The following RB1CC1 variants were observed in gnomAD, a reference collection of about 807,000 sequenced individuals.
RB1CC1 encodes the protein RB1 inducible coiled-coil 1, also known as RB1-inducible coiled-coil protein 1.
In RB1CC1, 46 loss-of-function variants were observed where a neutral mutation model predicts 177.5. The observed-to-expected ratio is 0.26, with a 90% CI of 0.20 to 0.33. RB1CC1 has a LOEUF of 0.33. Among genes scored for constraint, RB1CC1 ranks in the 10% least tolerant of loss-of-function variants. RB1CC1 has a pLI of 1.00. For synonymous variants in RB1CC1, 666 were observed against 613.6 expected, an observed-to-expected ratio of 1.09 and a Z score of -1.26; for missense variants, 1,703 against 1,816.3, an observed-to-expected ratio of 0.94 and a Z score of 1.13.
At position 52,708,817 on chromosome 8, in the gene RB1CC1, T is replaced by C. The variant is rs1040958269; in HGVS notation, c.-167+5258A>G. On this transcript the variant is annotated intron_variant, in intron 1 of 23. Coordinates refer to ENST00000025008, the MANE Select transcript of RB1CC1 (RefSeq NM_014781.5). ...ATCCGACAGGGTGGTGGACATTATCTCCATTGATGCGGTAGTAGCCCGTGA... is the reference window on the plus strand; with the variant it reads ...ATCCGACAGGGTGGTGGACATTATCCCCATTGATGCGGTAGTAGCCCGTGA... 1.3e-4 allele frequency among the ~76,000 whole-genome samples: 20 copies of C among 152,158 alleles called. 1 individual carries two copies. Among genetic ancestry groups the C allele is most frequent in the Admixed American group, 1.2e-3 (19 of 15,264 alleles).
In RB1CC1 at chr8:52,623,486, CAATGCACAAGGTATGCCCTTTGAGA is replaced by C. The variant is rs1182543982; in HGVS notation, c.*271_*295del. ...AATTAATATGGCTCATCATAAGCCA[CAATGCACAAGGTATGCCCTTTGAGA>C]AAATGAAGTAGTTTGGTCCGCATTT... is the stretch of plus-strand genomic sequence containing the variant. On this transcript the variant is annotated 3_prime_UTR_variant, in exon 24 of 24. Coordinates refer to ENST00000025008, the MANE Select transcript of RB1CC1 (RefSeq NM_014781.5). The C allele has an allele frequency of 2.6e-6, 1 of 389,600 alleles. No homozygotes were observed. The highest frequency in any genetic ancestry group is 4.9e-6 in the Non-Finnish European group (1 of 203,660). 24.1% of individuals were successfully genotyped at this position (389,600 alleles called of 1,614,324 possible).
intron 19 of RB1CC1, among the ~76,000 whole-genome samples, chr8:52,635,596 A>G (rs1014234500): frequency 6.6e-5 from 10 of 152,110 alleles, no homozygotes; most frequent in African/African-American, 2.4e-4. Flanking sequence ...TATTTAAAAC[A>G]TAACTCCCTT....
At position 52,623,597 on chromosome 8, in the gene RB1CC1, G is replaced by T; in HGVS notation, c.*185C>A. On this transcript the variant is annotated 3_prime_UTR_variant, in exon 24 of 24. Coordinates refer to ENST00000025008, the MANE Select transcript of RB1CC1 (RefSeq NM_014781.5). Reference sequence around the variant, plus strand: ...CAAAAACCATTTTAATTCAGCCAAGGATTCTGATGAATTTATTATTCCTAA... The same window carrying T: ...CAAAAACCATTTTAATTCAGCCAAGTATTCTGATGAATTTATTATTCCTAA... The T allele has an allele frequency of 3.2e-6, 2 of 629,560 alleles. No individual in the cohort carries two copies. Among genetic ancestry groups the T allele is most frequent in the Non-Finnish European group, 5.8e-6 (2 of 341,932 alleles). The allele number at this position is 629,560 out of a possible 1,614,324, so 39.0% of individuals were successfully genotyped here. A position where few individuals can be genotyped will look rare whatever the true frequency, so the allele number is the denominator to read the frequency against.
chr8:52,656,384 T>G lies in RB1CC1; in HGVS notation c.3445A>C (p.Asn1149His), dbSNP rs772467090. Residue 1149 changes from asparagine (N) to histidine (H), a missense_variant, in exon 15 of 24, where the codon AAT becomes CAT. Asn to His is a moderately conservative substitution (Grantham distance 68, BLOSUM62 1). Coordinates refer to ENST00000025008, the MANE Select transcript of RB1CC1 (RefSeq NM_014781.5). ...TTGTTTAATTCAGCTTTAAGTATAT[T>G]AGATTCTTCTTCATGTCTACTAATT... ...ELISRHEEESNILKAELNKVT... is the reference protein window; with the variant it reads ...ELISRHEEESHILKAELNKVT... 8.7e-6 allele frequency: 14 copies of G among 1,610,654 alleles called. No individual in the cohort carries two copies. In the South Asian group the frequency reaches 1.5e-4, roughly 18 times the overall value.
Position 52,648,261 on chromosome 8 carries a change from C to T in RB1CC1, c.3822-2394G>A, listed in dbSNP as rs16918049. 2.9e-3 allele frequency among the ~76,000 whole-genome samples: 445 copies of T among 152,246 alleles called. 24 individuals are homozygous for T. The East Asian group carries it at 0.082, about 28-fold the overall frequency. On this transcript the variant is annotated intron_variant, in intron 15 of 23. Coordinates refer to ENST00000025008, the MANE Select transcript of RB1CC1 (RefSeq NM_014781.5). Reference sequence around the variant, plus strand: ...CATGAAAAATAATCATTATCCTGTACTGAAGACAGGTTTCTTGTGGCTGTA... The same window carrying T: ...CATGAAAAATAATCATTATCCTGTATTGAAGACAGGTTTCTTGTGGCTGTA...
At chr8:52,650,694 T>C (rs541842755) in intron 15 of RB1CC1, among the ~76,000 whole-genome samples, 1 of 152,314 alleles carries the variant, frequency 6.6e-6, no homozygotes, top group Admixed American at 6.5e-5. Context: ...TTCTCTGATC[T>C]GAAAGCAGTA....
intron 1 of RB1CC1, among the ~76,000 whole-genome samples, chr8:52,697,294 C>T (rs1461647100): frequency 2.2e-5 from 2 of 91,722 alleles, no homozygotes; most frequent in Non-Finnish European, 4.2e-5. Flanking sequence ...CAAATGGTTA[C>T]TAAAAAAAAA....
intron 1 of RB1CC1, among the ~76,000 whole-genome samples, chr8:52,700,917 T>C (rs1444326175): frequency 2.0e-5 from 3 of 152,206 alleles, no homozygotes; most frequent in Non-Finnish European, 4.4e-5. Context: ...GTGAAATCTT[T>C]ACTTGAATTG....
chr8:52,650,862 T>C (rs1563376571), intron 15 of RB1CC1, among the ~76,000 whole-genome samples: 1 of 152,110 alleles, frequency 6.6e-6, no homozygotes, highest in Non-Finnish European at 1.5e-5. Flanking sequence ...AAACCTTCCT[T>C]CCTGGAAGCA....
intron 21 of RB1CC1, 63 bp from the exon 22 acceptor site, chr8:52,628,231 T>G (rs980482296): frequency 6.9e-7 from 1 of 1,458,662 alleles, no homozygotes; most frequent in African/African-American, 1.4e-5. Flanking sequence ...TTCTGAAAAC[T>G]TAGCATATAT....
At chr8:52,647,739 T>G (rs760999869) in intron 15 of RB1CC1, among the ~76,000 whole-genome samples, 4 of 152,118 alleles carry the variant, frequency 2.6e-5, no homozygotes, top group Non-Finnish European at 5.9e-5. Flanking sequence ...GAAGGACAGA[T>G]AGTGAACAGT....
chr8:52,671,769 G>A (rs148096657), intron 7 of RB1CC1, among the ~76,000 whole-genome samples: 2 of 152,200 alleles, frequency 1.3e-5, no homozygotes, highest in East Asian at 3.9e-4. Flanking sequence ...ACATAAATGT[G>A]TAAATGTATG....
chr8:52,633,454 T>C (rs946455496), intron 20 of RB1CC1, among the ~76,000 whole-genome samples: 10 of 152,204 alleles, frequency 6.6e-5, no homozygotes, highest in African/African-American at 2.4e-4. Context: ...ATGTCTGAGA[T>C]AGACCATTCT....
chr8:52,704,179 C>T (rs575105388), intron 1 of RB1CC1, among the ~76,000 whole-genome samples: 232 of 152,130 alleles, frequency 1.5e-3, no homozygotes, highest in African/African-American at 5.3e-3. Context: ...CAGGAGTTAT[C>T]CAATTTCTCT....
intron 1 of RB1CC1, among the ~76,000 whole-genome samples, chr8:52,705,530 A>C (rs528375621): frequency 6.6e-6 from 1 of 152,370 alleles, no homozygotes; most frequent in African/African-American, 2.4e-5. Context: ...AAGGGAATTT[A>C]ATCTGGCACT....
chr8:52,697,123 C>A (rs1481684976), intron 1 of RB1CC1, among the ~76,000 whole-genome samples: 1 of 152,110 alleles, frequency 6.6e-6, no homozygotes, highest in Non-Finnish European at 1.5e-5. Context: ...CCACCCCAGA[C>A]CACCTCTGAA....
At chr8:52,627,105 T>C (rs1590901353) in intron 22 of RB1CC1, among the ~76,000 whole-genome samples, 2 of 151,604 alleles carry the variant, frequency 1.3e-5, no homozygotes, top group Non-Finnish European at 2.9e-5. Flanking sequence ...TCCCAGCACT[T>C]TGGGAGCCTG....
At chr8:52,646,126 T>C (rs1850001981) in intron 15 of RB1CC1, among the ~76,000 whole-genome samples, 2 of 152,256 alleles carry the variant, frequency 1.3e-5, no homozygotes, top group Non-Finnish European at 2.9e-5. Flanking sequence ...TATATCAACA[T>C]ACATAAAAAT....
intron 15 of RB1CC1, among the ~76,000 whole-genome samples, chr8:52,647,960 AAG>A (rs1850204594): frequency 6.6e-6 from 1 of 152,166 alleles, no homozygotes; most frequent in Non-Finnish European, 1.5e-5. Flanking sequence ...CAAATTGTGC[AAG>A]AGAGGAAGGG....
Sources: gnomAD v4.1 joint callset for allele counts (sites outside exome capture counted in the v4.1 genomes callset) on GRCh38, gnomAD v4.1.1 for gene constraint, MANE v1.5 for transcripts, NCBI Gene and HGNC (gene_info 2026-07-23, HGNC 2026-07-21) for gene names.